Variants in RTL4 observed in about 807,000 individuals in gnomAD.
RTL4 encodes the protein retrotransposon Gag-like protein 4.
In RTL4, 4 loss-of-function variants were observed where a neutral mutation model predicts 5.3. That is an observed-to-expected ratio of 0.75 (90% CI 0.37 to 1.72). The LOEUF is 1.72. RTL4 is among the 40% of genes most tolerant of loss of function. The pLI is 0.04. For synonymous variants in RTL4, 98 were observed against 87.3 expected (o/e 1.12, Z -0.68); for missense variants, 260 against 227.1 (o/e 1.14, Z -0.93).
the RTL4 span, among the ~76,000 whole-genome samples, chrX:112,417,558 G>A: frequency 9.0e-6 from 1 of 111,591 alleles, no homozygotes; most frequent in African/African-American, 3.3e-5. Flanking sequence ...TCTTATAAAA[G>A]CCTGTATTTC....
the RTL4 span, among the ~76,000 whole-genome samples, chrX:112,423,863 C>G: frequency 2.7e-5 from 3 of 111,926 alleles, no homozygotes; most frequent in African/African-American, 9.7e-5. Context: ...TGACATCTTG[C>G]CCAGGTCCTG....
At chrX:112,236,449 A>C in the RTL4 span, among the ~76,000 whole-genome samples, 17 of 81,182 alleles carry the variant, frequency 2.1e-4, no homozygotes, top group East Asian at 8.4e-4. Context: ...ATATCTATAT[A>C]TAGATATAGA....
chrX:112,124,432 A>G, the RTL4 span, among the ~76,000 whole-genome samples: 2 of 111,953 alleles, frequency 1.8e-5, no homozygotes, highest in African/African-American at 6.5e-5. Context: ...AACGCCCATC[A>G]ATGATAGACT....
the RTL4 span, among the ~76,000 whole-genome samples, chrX:112,351,602 A>T: frequency 2.9e-5 from 3 of 104,331 alleles, no homozygotes; most frequent in South Asian, 4.1e-4. Flanking sequence ...TGTTGAATTG[A>T]TCCCTTTACC....
chrX:112,192,565 G>T, the RTL4 span, among the ~76,000 whole-genome samples: 1,663 of 110,450 alleles, frequency 0.015, 31 homozygotes, highest in African/African-American at 0.052. Context: ...ATTAATTTAG[G>T]AATTATCATT....
At chrX:112,250,270 C>T in the RTL4 span, among the ~76,000 whole-genome samples, 8 of 106,681 alleles carry the variant, frequency 7.5e-5, no homozygotes, top group Non-Finnish European at 1.5e-4. Context: ...CAGAGCGAGA[C>T]TCTGTCTCAA....
chrX:112,291,660 C>G, the RTL4 span, among the ~76,000 whole-genome samples: 2 of 109,358 alleles, frequency 1.8e-5, no homozygotes, highest in East Asian at 5.8e-4. Context: ...GCAGTGGCAC[C>G]ATCTCCACTC....
the RTL4 span, among the ~76,000 whole-genome samples, chrX:112,386,845 G>A: frequency 9.0e-5 from 10 of 111,272 alleles, no homozygotes; most frequent in East Asian, 2.6e-3. Context: ...TTCAAATAAT[G>A]ACTTATTTTC....
the RTL4 span, among the ~76,000 whole-genome samples, chrX:112,394,671 A>G: frequency 8.9e-6 from 1 of 112,062 alleles, no homozygotes. Flanking sequence ...ATAAAGTTCA[A>G]ATTTAAAGAA....
chrX:112,264,546 G>A, the RTL4 span, among the ~76,000 whole-genome samples: 2 of 112,369 alleles, frequency 1.8e-5, no homozygotes, highest in Admixed American at 9.4e-5. Context: ...GATTATGTAT[G>A]TATGTGTTTG....
At chrX:112,376,068 T>A in the RTL4 span, among the ~76,000 whole-genome samples, 1 of 111,192 alleles carries the variant, frequency 9.0e-6, no homozygotes, top group Non-Finnish European at 1.9e-5. Context: ...TCATTTTTGA[T>A]AATCATGATT....
At chrX:112,372,810 T>A in the RTL4 span, among the ~76,000 whole-genome samples, 1 of 112,041 alleles carries the variant, frequency 8.9e-6, no homozygotes, top group South Asian at 3.7e-4. Context: ...GTTTCACTCA[T>A]ACTTGCCTTT....
the RTL4 span, among the ~76,000 whole-genome samples, chrX:112,411,234 AG>A: frequency 9.0e-6 from 1 of 111,682 alleles, no homozygotes; most frequent in Non-Finnish European, 1.9e-5. Context: ...AGCAAACAGA[AG>A]CCAGGGAACT....
At chrX:112,358,726 C>T in the RTL4 span, among the ~76,000 whole-genome samples, 2 of 111,538 alleles carry the variant, frequency 1.8e-5, no homozygotes, top group Non-Finnish European at 3.8e-5. Context: ...TTCCAGATCT[C>T]TCACTCTCAC....
chrX:112,147,155 CT>C, the RTL4 span, among the ~76,000 whole-genome samples: 1 of 107,691 alleles, frequency 9.3e-6, no homozygotes, highest in Non-Finnish European at 1.9e-5. Flanking sequence ...AATTACTTTA[CT>C]TTTTTTTTCA....
chrX:112,424,154 T>C, the RTL4 span, among the ~76,000 whole-genome samples: 23 of 111,866 alleles, frequency 2.1e-4, no homozygotes, highest in African/African-American at 7.4e-4. Context: ...TTAATATAAA[T>C]GAAAGAACAT....
At chrX:112,202,200 A>G in the RTL4 span, among the ~76,000 whole-genome samples, 4 of 111,980 alleles carry the variant, frequency 3.6e-5, no homozygotes, top group African/African-American at 1.3e-4. Flanking sequence ...TTGTCATTTC[A>G]AAAAGTTATT....
the RTL4 span, among the ~76,000 whole-genome samples, chrX:112,184,400 C>T: frequency 8.9e-6 from 1 of 111,974 alleles, no homozygotes; most frequent in Non-Finnish European, 1.9e-5. Flanking sequence ...TCAATTCAAA[C>T]TGCAAAACAA....
At chrX:112,120,268 T>TTTTG in the RTL4 span, among the ~76,000 whole-genome samples, 2 of 111,191 alleles carry the variant, frequency 1.8e-5, no homozygotes, top group Admixed American at 9.6e-5. Context: ...AAACTTAAGG[T>TTTTG]TTTGTTTGTT....
Sources: gnomAD v4.1 joint callset for allele counts (sites outside exome capture counted in the v4.1 genomes callset) on GRCh38, gnomAD v4.1.1 for gene constraint, MANE v1.5 for transcripts, NCBI Gene and HGNC (gene_info 2026-07-23, HGNC 2026-07-21) for gene names.